The following BUD31 variants were observed in gnomAD, a reference collection of about 807,000 sequenced individuals.
The protein encoded by BUD31 is protein BUD31 homolog.
A neutral mutation model predicts 17.9 loss-of-function variants in BUD31; 9 were observed. The ratio of observed to expected loss-of-function variants is 0.50; its 90% CI spans 0.30 to 0.88. The LOEUF (loss-of-function observed/expected upper bound fraction) is 0.88, where lower values mean the gene tolerates loss of function less well. Among genes scored for constraint, BUD31 ranks in the 40% least tolerant of loss-of-function variants. The pLI, the probability that BUD31 is intolerant of heterozygous loss-of-function variation, is 0.06. For synonymous variants in BUD31, 70 were observed against 64.7 expected (o/e 1.08, Z -0.39); for missense variants, 148 against 184.5 (o/e 0.80, Z 1.15).
At chr7:99,419,349 C>T (rs373608672) in intron 5 of BUD31, 42 bp from the exon 6 acceptor site, 366 of 1,608,530 alleles carry the variant, frequency 2.3e-4, no homozygotes, top group Non-Finnish European at 3.0e-4. Flanking sequence ...CAGGGGCGAG[C>T]GTGGCGCAGT....
intron 4 of BUD31, chr7:99,417,120 G>A (rs1309203622): frequency 1.1e-5 from 3 of 269,170 alleles, no homozygotes; most frequent in African/African-American, 4.6e-5. Flanking sequence ...CCAGTGGCAC[G>A]ACCTCAGGTC....
In BUD31 at chr7:99,417,415, C is replaced by CCGA; in HGVS notation, c.218-14_218-13insCGA. 1.2e-6 allele frequency: 2 copies of CCGA among 1,613,260 alleles called. No individual in the cohort carries two copies. Among genetic ancestry groups the CCGA allele is most frequent in the South Asian group, 2.2e-5 (2 of 91,026 alleles). On this transcript the variant is annotated splice_polypyrimidine_tract_variant and intron_variant, in intron 4 of 5. Coordinates refer to ENST00000222969, the MANE Select transcript of BUD31 (RefSeq NM_003910.4). ...AGACCATGGCCTGATGCTCTTTCCC[C>CCGA]ATCTTTTTGACAGAACTCTATGAAT...
chr7:99,417,920 T>A, intron 5 of BUD31: 1 of 1,288,796 alleles, frequency 7.8e-7, no homozygotes, highest in Non-Finnish European at 9.9e-7. Flanking sequence ...AACCAGTGAG[T>A]TCCTGTCCCT....
At chr7:99,419,198 T>C in intron 5 of BUD31, 193 bp from the exon 6 acceptor site, 1 of 602,432 alleles carries the variant, frequency 1.7e-6, no homozygotes. Context: ...GTAACCTCGG[T>C]GTCAACAGCA....
chr7:99,411,410 C>T (rs1459133561), intron 3 of BUD31, among the ~76,000 whole-genome samples: 3 of 151,698 alleles, frequency 2.0e-5, no homozygotes, highest in African/African-American at 7.3e-5. Flanking sequence ...TTTGTTTTTG[C>T]CAACTCGAAT....
At chr7:99,415,115 G>C in intron 3 of BUD31, 1 of 432,222 alleles carries the variant, frequency 2.3e-6, no homozygotes. Flanking sequence ...TAGAAATAAA[G>C]ACACAAGACA....
intron 5 of BUD31, 81 bp from the exon 6 acceptor site, chr7:99,419,310 G>GT: frequency 6.5e-7 from 1 of 1,533,942 alleles, no homozygotes; most frequent in Non-Finnish European, 9.0e-7. Flanking sequence ...CAGGTCCTTC[G>GT]TGGGAGGGTT....
Position 99,417,611 on chromosome 7 carries a change from C to G in BUD31, c.384+16C>G. On this transcript the variant is annotated intron_variant, in intron 5 of 5. Coordinates refer to ENST00000222969, the MANE Select transcript of BUD31 (RefSeq NM_003910.4). ...GCTGGAAGTGGTAATGTCTGACACT[C>G]AAGCTTGGTGTTGTTTTCAGCTCAA... 3.7e-6 allele frequency: 6 copies of G among 1,609,300 alleles called. No individual in the cohort carries two copies. Among genetic ancestry groups the G allele is most frequent in the Non-Finnish European group, 5.1e-6 (6 of 1,179,970 alleles).
intron 3 of BUD31, chr7:99,415,266 G>A (rs1244210900): frequency 6.6e-6 from 3 of 456,186 alleles, no homozygotes; most frequent in Non-Finnish European, 1.3e-5. Context: ...TCCAATGATA[G>A]GTAAGGCCAC....
intron 3 of BUD31, 87 bp downstream of exon 3, chr7:99,411,273 T>C: frequency 2.0e-6 from 2 of 1,009,194 alleles, no homozygotes; most frequent in South Asian, 1.4e-5. Flanking sequence ...AATGCAAATA[T>C]AAAAAGAGAG....
At chr7:99,411,797 C>T (rs887868774) in intron 3 of BUD31, 46 of 439,048 alleles carry the variant, frequency 1.0e-4, no homozygotes, top group Non-Finnish European at 1.4e-4. Flanking sequence ...CTCTGCCTCC[C>T]GTGTTCAAGT....
rs137922105 is a variant in BUD31, at chr7:99,412,370, A to T, written c.94+1184A>T. 4.8e-3 allele frequency among the ~76,000 whole-genome samples: 725 copies of T among 152,292 alleles called. 3 individuals are homozygous for T. Among genetic ancestry groups the T allele is most frequent in the African/African-American group, 0.016 (671 of 41,558 alleles). On this transcript the variant is annotated intron_variant, in intron 3 of 5. Coordinates refer to ENST00000222969, the MANE Select transcript of BUD31 (RefSeq NM_003910.4). ...AGGGTGACTTTTGAGGGAAGGAGGA[A>T]CCCTACTTTGTGTTTAGATATTCTT...
chr7:99,411,569 T>C (rs1199382651), intron 3 of BUD31, among the ~76,000 whole-genome samples: 1 of 152,226 alleles, frequency 6.6e-6, no homozygotes, highest in Non-Finnish European at 1.5e-5. Flanking sequence ...GCATCTGTTT[T>C]CTGTCACTTC....
At chr7:99,415,042 A>T (rs780591620) in intron 3 of BUD31, 7 of 285,140 alleles carry the variant, frequency 2.5e-5, no homozygotes, top group Non-Finnish European at 4.8e-5. Context: ...GATTATAGTC[A>T]TCTGTAGGGT....
chr7:99,413,261 A>G (rs1248276584), intron 3 of BUD31, among the ~76,000 whole-genome samples: 3 of 152,164 alleles, frequency 2.0e-5, no homozygotes, highest in Non-Finnish European at 4.4e-5. Context: ...GTTCTTCCCT[A>G]AAAACTGAGG....
Position 99,419,144 on chromosome 7 carries a change from C to T in BUD31, c.385-247C>T, listed in dbSNP as rs151159691. On this transcript the variant is annotated intron_variant, in intron 5 of 5. Coordinates refer to ENST00000222969, the MANE Select transcript of BUD31 (RefSeq NM_003910.4). ...CGATTTCTTTTTCTTGATTGGCAAA[C>T]GTGTGTTGGATTTGCAGAACATATT... 104 of 553,214 alleles carry T rather than the reference C, an allele frequency of 1.9e-4. No individual in the cohort carries two copies. The East Asian group carries it at 2.0e-3, about 11-fold the overall frequency. 34.3% of individuals were successfully genotyped at this position (553,214 alleles called of 1,614,324 possible).
chr7:99,416,101 C>G (rs1795435545), intron 3 of BUD31, 37 bp from the exon 4 acceptor site: 1 of 1,609,278 alleles, frequency 6.2e-7, no homozygotes, highest in Non-Finnish European at 8.5e-7. Flanking sequence ...CGCAGACCGA[C>G]CCTATTCCCC....
At position 99,417,538 on chromosome 7, in the gene BUD31, G is replaced by C. The variant is rs1416570947; in HGVS notation, c.327G>C (p.Arg109=). ...GCTGCCTGCGGTGCATTCAGACACG[G>C]GACACCAACTTCGGGACGAACTGCA... The part of the protein sequence containing the change: ...NLCCLRCIQT[R]DTNFGTNCIC... The change falls in exon 5 of 6, where the codon CGG becomes CGC. Residue 109 remains arginine (R), a synonymous_variant. Coordinates refer to ENST00000222969, the MANE Select transcript of BUD31 (RefSeq NM_003910.4). 3 of 1,611,938 alleles carry C rather than the reference G, an allele frequency of 1.9e-6. No individual in the cohort carries two copies. The highest frequency in any genetic ancestry group is 2.5e-6 in the Non-Finnish European group (3 of 1,178,524).
intron 4 of BUD31, chr7:99,416,895 A>G (rs1795507658): frequency 6.2e-6 from 1 of 161,976 alleles, no homozygotes; most frequent in South Asian, 1.6e-4. Context: ...TAATTTTTAA[A>G]TTTTTTGTGG....
Sources: allele counts gnomAD v4.1 joint callset (sites outside exome capture counted in the v4.1 genomes callset), GRCh38; gene constraint gnomAD v4.1.1; transcripts MANE v1.5; gene names NCBI Gene and HGNC (gene_info 2026-07-23, HGNC 2026-07-21).